The following HSD11B1 variants were observed in gnomAD, a reference collection of about 807,000 sequenced individuals.
HSD11B1 encodes the protein 11-beta-hydroxysteroid dehydrogenase 1.
A neutral mutation model predicts 22.1 loss-of-function variants in HSD11B1; 15 were observed. The ratio of observed to expected loss-of-function variants is 0.68; its 90% CI spans 0.45 to 1.04. The LOEUF is 1.04. Ranked by LOEUF, HSD11B1 falls within the 50% of genes least tolerant of loss-of-function variation. HSD11B1 has a pLI of 0.00. For synonymous variants in HSD11B1, 122 were observed against 125.2 expected, an observed-to-expected ratio of 0.97 and a Z score of 0.17; for missense variants, 281 against 357.6, an observed-to-expected ratio of 0.79 and a Z score of 1.73.
upstream of HSD11B1, among the ~76,000 whole-genome samples, chr1:209,701,990 G>C (rs982994330): frequency 6.6e-6 from 1 of 152,208 alleles, no homozygotes; most frequent in African/African-American, 2.4e-5. Context: ...GTGCAGGTAG[G>C]CTCCAGGTAT....
intron 4 of HSD11B1, among the ~76,000 whole-genome samples, chr1:209,725,901 C>G (rs1310534153): frequency 6.6e-6 from 1 of 152,176 alleles, no homozygotes; most frequent in Non-Finnish European, 1.5e-5. Flanking sequence ...GTCACAAAAT[C>G]TGAGAGATGT....
chr1:209,695,537 G>A (rs2076785691), intron 1 of HSD11B1, among the ~76,000 whole-genome samples: 1 of 152,186 alleles, frequency 6.6e-6, no homozygotes, highest in Non-Finnish European at 1.5e-5. Flanking sequence ...ATGGCTGGGT[G>A]CGGTGGCTCA....
At chr1:209,732,176 C>T (rs1299648373) in intron 4 of HSD11B1, among the ~76,000 whole-genome samples, 1 of 152,182 alleles carries the variant, frequency 6.6e-6, no homozygotes, top group Non-Finnish European at 1.5e-5. Context: ...TTTTGTAGCC[C>T]AGCTTGTTTA....
intron 1 of HSD11B1, among the ~76,000 whole-genome samples, chr1:209,688,981 G>A (rs538552547): frequency 1.1e-3 from 170 of 152,324 alleles, no homozygotes; most frequent in African/African-American, 3.9e-3. Flanking sequence ...TGGAGGAACA[G>A]GTGGGGGTAA....
chr1:209,698,219 G>A (rs1190197047), intron 1 of HSD11B1, among the ~76,000 whole-genome samples: 1 of 149,406 alleles, frequency 6.7e-6, no homozygotes, highest in Non-Finnish European at 1.5e-5. Context: ...AGATAGATAG[G>A]AAGGACAGAC....
intron 1 of HSD11B1, among the ~76,000 whole-genome samples, chr1:209,694,674 A>G (rs950082176): frequency 6.6e-5 from 10 of 152,224 alleles, no homozygotes; most frequent in Admixed American, 5.9e-4. Context: ...GAAGAACTGG[A>G]TGGATTAGAG....
chr1:209,734,338 T>C lies in HSD11B1; in HGVS notation c.696T>C (p.His232=), dbSNP rs1346899471. ...TGAAGGCAGTTTCTGGGATAGTCCA[T>C]ATGCAAGCAGCTCCAAAGGAGGAAT... ...TAMKAVSGIV[H]MQAAPKEECA... The change falls in exon 6 of 6, where the codon CAT becomes CAC. Residue 232 remains histidine, a synonymous_variant. Transcript: ENST00000367027. 4 of 1,613,912 alleles carry C rather than the reference T, an allele frequency of 2.5e-6. No homozygotes were observed. The South Asian group carries it at 3.3e-5, about 13-fold the overall frequency.
At position 209,707,091 on chromosome 1, in the gene HSD11B1, G is replaced by T. The variant is rs1483401200; in HGVS notation, c.480G>T (p.Gln160His). The change falls in exon 4 of 6, where the codon CAG becomes CAT. Residue 160 changes from glutamine to histidine, a missense_variant. Gln to His is a conservative substitution (Grantham distance 24). Transcript: ENST00000367027. ...TAGCTGCCTTGCCCATGCTGAAGCA[G>T]AGCAATGGAAGCATTGTTGTCGTCT... ...LTVAALPMLK[Q>H]SNGSIVVVSS... 4 of 1,614,054 alleles carry T rather than the reference G, an allele frequency of 2.5e-6. No individual in the cohort carries two copies. Among genetic ancestry groups the T allele is most frequent in the Non-Finnish European group, 3.4e-6 (4 of 1,179,994 alleles).
At chr1:209,701,824 C>CCAG (rs1347537800), upstream of HSD11B1, among the ~76,000 whole-genome samples, 1 of 152,204 alleles carries the variant, frequency 6.6e-6, no homozygotes, top group Non-Finnish European at 1.5e-5. Flanking sequence ...AGATCTGGCC[C>CCAG]ATCCTTCACA....
At chr1:209,713,187 A>C (rs1349074495) in intron 4 of HSD11B1, among the ~76,000 whole-genome samples, 1 of 152,234 alleles carries the variant, frequency 6.6e-6, no homozygotes, top group Non-Finnish European at 1.5e-5. Context: ...CATTGGAAGT[A>C]ACCTAAATGT....
At chr1:209,725,728 A>C (rs2076996349) in intron 4 of HSD11B1, among the ~76,000 whole-genome samples, 1 of 152,134 alleles carries the variant, frequency 6.6e-6, no homozygotes, top group Non-Finnish European at 1.5e-5. Context: ...GGATAAAGCC[A>C]CTCTTTCCTA....
Position 209,721,924 on chromosome 1 carries a change from G to A in HSD11B1, c.518-10512G>A, listed in dbSNP as rs528944244. ...CTGAACTCCAGGGGACATATTAAAA[G>A]TTCTCCAAATAATGCTATTGAGGCC... On this transcript the variant is annotated intron_variant, in intron 4 of 5. Transcript: ENST00000367027. 2.5e-3 allele frequency among the ~76,000 whole-genome samples: 375 copies of A among 152,292 alleles called. 5 individuals carry two copies. Among genetic ancestry groups the A allele is most frequent in the African/African-American group, 8.7e-3 (361 of 41,560 alleles).
At chr1:209,724,698 A>G (rs2076989176) in intron 4 of HSD11B1, among the ~76,000 whole-genome samples, 2 of 152,218 alleles carry the variant, frequency 1.3e-5, no homozygotes, top group South Asian at 4.1e-4. Context: ...AAACTTCTAA[A>G]TATGGTTTAC....
intron 1 of HSD11B1, among the ~76,000 whole-genome samples, chr1:209,691,995 T>C (rs1428026682): frequency 6.6e-6 from 1 of 152,066 alleles, no homozygotes; most frequent in Non-Finnish European, 1.5e-5. Flanking sequence ...TTGTTGTCAC[T>C]AGTTGTAAAC....
At chr1:209,694,347 C>G (rs2076778292) in intron 1 of HSD11B1, among the ~76,000 whole-genome samples, 1 of 152,208 alleles carries the variant, frequency 6.6e-6, no homozygotes, top group Admixed American at 6.5e-5. Context: ...GAAATGGTCT[C>G]TGCCTTCCCA....
Position 209,692,607 on chromosome 1 carries a change from C to CGGGG in HSD11B1, c.-49+6330_-49+6333dup, listed in dbSNP as rs796545462. ...ATCAAGGAATCGGGTATTAAAATGG[C>CGGGG]GGGGGGGGGGGTGGGGGCTCGGTTC... On this transcript the variant is annotated intron_variant, in intron 1 of 6. Coordinates refer to the HSD11B1 transcript ENST00000261465. Among the ~76,000 whole-genome samples the CGGGG allele has an allele frequency of 4.4e-3, 211 of 48,178 alleles. 1 individual carries two copies. The highest frequency in any genetic ancestry group is 0.012 in the East Asian group (27 of 2,168). 31.6% of individuals were successfully genotyped at this position (48,178 alleles called of 152,430 possible). A position where few individuals can be genotyped will look rare whatever the true frequency, so the allele number is the denominator to read the frequency against.
chr1:209,692,979 T>A (rs968543455), intron 1 of HSD11B1, among the ~76,000 whole-genome samples: 1 of 152,148 alleles, frequency 6.6e-6, no homozygotes, highest in Non-Finnish European at 1.5e-5. Flanking sequence ...TCTCTCTCCC[T>A]CCCTCCTTCA....
chr1:209,693,524 C>T lies in HSD11B1; in HGVS notation c.-49+7239C>T, dbSNP rs150389788. On this transcript the variant is annotated intron_variant, in intron 1 of 6. Transcript: ENST00000261465. ...AGAAGGCAAGGATTCAATATCCACC[C>T]GTCCTCTACTTCCTCGATTCTCAAA... Among the ~76,000 whole-genome samples, 273 of 152,314 alleles carry T rather than the reference C, an allele frequency of 1.8e-3. 3 individuals carry two copies. The highest frequency in any genetic ancestry group is 6.1e-3 in the African/African-American group (252 of 41,570).
At chr1:209,686,702 A>G (rs954308379) in intron 1 of HSD11B1, among the ~76,000 whole-genome samples, 5 of 152,266 alleles carry the variant, frequency 3.3e-5, no homozygotes, top group African/African-American at 7.2e-5. Flanking sequence ...TAAACCAATG[A>G]CAGAGCACAA....
Sources: allele counts gnomAD v4.1 joint callset (sites outside exome capture counted in the v4.1 genomes callset), GRCh38; gene constraint gnomAD v4.1.1; transcripts MANE v1.5; gene names NCBI Gene and HGNC (gene_info 2026-07-23, HGNC 2026-07-21).